PDE4D: variants seen among roughly 807,000 people sequenced by gnomAD.
The protein encoded by PDE4D is 3',5'-cyclic-AMP phosphodiesterase 4D.
In PDE4D, 24 loss-of-function variants were observed where a neutral mutation model predicts 87.4. The ratio of observed to expected loss-of-function variants is 0.27; its 90% CI spans 0.20 to 0.39. The LOEUF (loss-of-function observed/expected upper bound fraction) is 0.39. PDE4D is among the 10% of genes least tolerant of loss of function. The probability of loss-of-function intolerance (pLI) is 1.00; values close to 1 mark genes in which losing one functional copy is unlikely to be tolerated. For missense variants in PDE4D, 714 were observed against 1,041.0 expected (o/e 0.69, Z 4.32); for synonymous variants, 384 against 383.2 (o/e 1.00, Z -0.02).
At chr5:59,914,866 GGTGTGTGTGTGTGTGTGTGTGT>G (rs3062699) in intron 3 of PDE4D, among the ~76,000 whole-genome samples, 8 of 122,622 alleles carry the variant, frequency 6.5e-5, no homozygotes, top group East Asian at 2.4e-4. Context: ...TACTGATAGG[GGTGTGTGTGTGTGTGTGTGTGT>G]GTGTGTGTGT....
chr5:59,585,788 T>C (rs1825020029), intron 1 of PDE4D, among the ~76,000 whole-genome samples: 1 of 151,164 alleles, frequency 6.6e-6, no homozygotes, highest in African/African-American at 2.5e-5. Flanking sequence ...ATGTTAGAAT[T>C]CTACTAGAAT....
At chr5:60,450,978 T>C (rs1240177809) in intron 1 of PDE4D, among the ~76,000 whole-genome samples, 4 of 152,112 alleles carry the variant, frequency 2.6e-5, no homozygotes, top group African/African-American at 4.8e-5. Flanking sequence ...TAAAAATAAA[T>C]GGCCCAACAT....
chr5:59,171,637 C>T (rs538899710), intron 5 of PDE4D, among the ~76,000 whole-genome samples: 13 of 151,628 alleles, frequency 8.6e-5, no homozygotes. Flanking sequence ...TTCCATGCTT[C>T]CATACCTTAT....
intron 1 of PDE4D, among the ~76,000 whole-genome samples, chr5:59,459,203 C>G (rs1800372882): frequency 6.6e-6 from 1 of 152,036 alleles, no homozygotes; most frequent in African/African-American, 2.4e-5. Flanking sequence ...TTTTAAAAAC[C>G]AGGTGAACTT....
chr5:59,936,641 A>G (rs1240314417), intron 3 of PDE4D, among the ~76,000 whole-genome samples: 2 of 152,212 alleles, frequency 1.3e-5, no homozygotes, highest in Admixed American at 6.5e-5. Context: ...AGCTGTGAGA[A>G]AAATCTCACT....
intron 1 of PDE4D, among the ~76,000 whole-genome samples, chr5:59,279,746 A>G (rs916175635): frequency 3.3e-5 from 5 of 151,878 alleles, no homozygotes; most frequent in Non-Finnish European, 7.4e-5. Flanking sequence ...GGACCCAGGT[A>G]TATTTCATTC....
intron 2 of PDE4D, among the ~76,000 whole-genome samples, chr5:60,037,983 A>T (rs1386026280): frequency 6.6e-6 from 1 of 152,110 alleles, no homozygotes; most frequent in African/African-American, 2.4e-5. Context: ...TTTTGGAAAA[A>T]TTTAGGTGGC....
intron 1 of PDE4D, among the ~76,000 whole-genome samples, chr5:59,790,000 T>C (rs1260968716): frequency 6.6e-6 from 1 of 152,162 alleles, no homozygotes; most frequent in African/African-American, 2.4e-5. Flanking sequence ...GGTGGGAGTG[T>C]CATTGGAGAG....
At chr5:59,517,492 C>T (rs1036385393) in intron 1 of PDE4D, among the ~76,000 whole-genome samples, 2 of 152,152 alleles carry the variant, frequency 1.3e-5, no homozygotes, top group Non-Finnish European at 2.9e-5. Flanking sequence ...TGGGCCACAG[C>T]TTCCTTATAT....
chr5:59,145,411 T>C (rs918242723), intron 5 of PDE4D, among the ~76,000 whole-genome samples: 2 of 152,218 alleles, frequency 1.3e-5, no homozygotes, highest in African/African-American at 4.8e-5. Context: ...TCACTTTTGA[T>C]GTACAGAGGT....
intron 1 of PDE4D, among the ~76,000 whole-genome samples, chr5:59,307,101 C>A (rs1262169806): frequency 2.9e-4 from 29 of 100,218 alleles, no homozygotes; most frequent in African/African-American, 1.4e-3. Context: ...GAAAAACAAG[C>A]AATGGGGAAA....
intron 1 of PDE4D, chr5:59,592,171 T>A (rs1373232525): frequency 2.0e-6 from 2 of 978,736 alleles, no homozygotes; most frequent in Non-Finnish European, 2.4e-6. Flanking sequence ...GAACAGTGTC[T>A]TCTTCTCTAT....
intron 1 of PDE4D, among the ~76,000 whole-genome samples, chr5:59,439,513 C>T (rs923080732): frequency 6.6e-6 from 1 of 152,176 alleles, no homozygotes; most frequent in African/African-American, 2.4e-5. Flanking sequence ...CTTATTCACT[C>T]ATTCAACAAA....
chr5:59,313,578 G>A (rs1195349225), intron 1 of PDE4D, among the ~76,000 whole-genome samples: 3 of 151,616 alleles, frequency 2.0e-5, no homozygotes, highest in African/African-American at 2.4e-5. Flanking sequence ...GCTGTATGTA[G>A]ATGGCTTACT....
At chr5:59,504,440 A>G (rs1180295284) in intron 1 of PDE4D, among the ~76,000 whole-genome samples, 1 of 152,198 alleles carries the variant, frequency 6.6e-6, no homozygotes, top group Admixed American at 6.6e-5. Flanking sequence ...TTGGCTAACT[A>G]GTATGTACCA....
chr5:60,204,818 T>C (rs1183624489), intron 1 of PDE4D, among the ~76,000 whole-genome samples: 1 of 152,112 alleles, frequency 6.6e-6, no homozygotes, highest in Non-Finnish European at 1.5e-5. Context: ...TACCACTAAT[T>C]AGATGTGTAG....
intron 1 of PDE4D, among the ~76,000 whole-genome samples, chr5:59,657,647 A>G (rs1010444461): frequency 4.6e-5 from 7 of 152,192 alleles, no homozygotes; most frequent in Non-Finnish European, 5.9e-5. Context: ...CTTTAACTCA[A>G]TGAGGAGATA....
chr5:59,654,833 G>A lies in PDE4D; in HGVS notation c.455+238335C>T, dbSNP rs757789860. ...TGGAATCATGAAATTATGTCATTCC[G>A]GCTTCTTTCATTTAGCATAATGTTT... On this transcript the variant is annotated intron_variant, in intron 1 of 14. Coordinates refer to ENST00000340635, the MANE Select transcript of PDE4D (RefSeq NM_001104631.2). Among the ~76,000 whole-genome samples, 9 of 151,712 alleles carry A rather than the reference G, an allele frequency of 5.9e-5. No individual in the cohort carries two copies. In the East Asian group the frequency reaches 1.2e-3, roughly 20 times the overall value.
intron 1 of PDE4D, among the ~76,000 whole-genome samples, chr5:59,623,869 T>A (rs1025442470): frequency 2.6e-5 from 4 of 152,226 alleles, no homozygotes; most frequent in African/African-American, 7.2e-5. Flanking sequence ...TCCTTTACTG[T>A]CAATAGAAAA....
Sources: allele counts gnomAD v4.1 joint callset (sites outside exome capture counted in the v4.1 genomes callset), GRCh38; gene constraint gnomAD v4.1.1; transcripts MANE v1.5; gene names NCBI Gene and HGNC (gene_info 2026-07-23, HGNC 2026-07-21).